The following FER1L6 variants were observed in gnomAD, a reference collection of about 807,000 sequenced individuals.
The protein encoded by FER1L6 is fer-1 like family member 6, also known as fer-1-like protein 6.
A neutral mutation model predicts 219.2 loss-of-function variants in FER1L6; 177 were observed. That is an observed-to-expected ratio of 0.81 (90% confidence interval 0.71 to 0.91). The LOEUF (loss-of-function observed/expected upper bound fraction) is 0.91. Ranked by LOEUF, FER1L6 falls within the 40% of genes least tolerant of loss-of-function variation. The probability of loss-of-function intolerance (pLI) is 0.00; values close to 1 mark genes in which losing one functional copy is unlikely to be tolerated. For missense variants in FER1L6, 2,153 were observed against 2,259.9 expected (o/e 0.95, Z 0.96); for synonymous variants, 768 against 824.3 (o/e 0.93, Z 1.17).
rs371878140 is a variant in FER1L6, at chr8:124,071,601, C to G, written c.4062C>G (p.Val1354=). 6 of 1,614,122 alleles carry G rather than the reference C, an allele frequency of 3.7e-6. No individual in the cohort carries two copies. Among genetic ancestry groups the G allele is most frequent in the Non-Finnish European group, 5.1e-6 (6 of 1,179,988 alleles). The part of the protein sequence containing the change: ...IQQGIPPNHP[V]TVLIRVYIVA... ...AAGGGATTCCGCCCAATCACCCTGT[C>G]ACAGTGCTGATCAGAGTATACATTG... The change falls in exon 31 of 41, where the codon GTC becomes GTG. Residue 1354 remains valine, a synonymous_variant. Coordinates refer to ENST00000522917, the MANE Select transcript of FER1L6 (RefSeq NM_001039112.2).
At chr8:124,077,939 C>T (rs1451044707) in intron 32 of FER1L6, among the ~76,000 whole-genome samples, 1 of 152,170 alleles carries the variant, frequency 6.6e-6, no homozygotes, top group African/African-American at 2.4e-5. Context: ...GCCTCAGTAT[C>T]GGTGTGAGGG....
chr8:123,962,347 G>A (rs1438104565), intron 2 of FER1L6, among the ~76,000 whole-genome samples: 2 of 152,180 alleles, frequency 1.3e-5, no homozygotes, highest in Non-Finnish European at 2.9e-5. Flanking sequence ...CTTGAGGCTG[G>A]TGCTTGTGCA....
intron 12 of FER1L6, among the ~76,000 whole-genome samples, chr8:123,993,201 G>C (rs1240518197): frequency 6.6e-6 from 1 of 152,070 alleles, no homozygotes; most frequent in African/African-American, 2.4e-5. Context: ...CCAGCACTTT[G>C]GGAGGCCGAG....
chr8:123,988,100 C>G (rs904747178), intron 12 of FER1L6, among the ~76,000 whole-genome samples: 1 of 149,738 alleles, frequency 6.7e-6, no homozygotes, highest in Non-Finnish European at 1.5e-5. Flanking sequence ...TCAAAAAAAC[C>G]AGACAGCATG....
intron 1 of FER1L6, among the ~76,000 whole-genome samples, chr8:123,918,233 T>C (rs940359701): frequency 1.3e-5 from 2 of 150,630 alleles, no homozygotes; most frequent in Non-Finnish European, 2.9e-5. Flanking sequence ...TGCTTGAGCA[T>C]GGGAGGTGGA....
chr8:124,051,619 G>C (rs1187726322), intron 22 of FER1L6, among the ~76,000 whole-genome samples: 5 of 152,134 alleles, frequency 3.3e-5, no homozygotes, highest in Non-Finnish European at 7.3e-5. Context: ...ATGTATTTCA[G>C]GTAAAGGAAC....
intron 3 of FER1L6, among the ~76,000 whole-genome samples, chr8:123,965,376 A>G (rs888577282): frequency 6.6e-6 from 1 of 152,234 alleles, no homozygotes; most frequent in Non-Finnish European, 1.5e-5. Context: ...TTCAGCTTCT[A>G]TGACAACAGG....
chr8:123,855,746 A>ATGTGTGTATATATATG (rs1292334194), intron 1 of FER1L6, among the ~76,000 whole-genome samples: 2 of 142,010 alleles, frequency 1.4e-5, no homozygotes, highest in Non-Finnish European at 3.0e-5. Flanking sequence ...ATATGTGTGT[A>ATGTGTGTATATATATG]TGTGTGTATA....
chr8:124,092,201 T>G (rs1822065921), intron 34 of FER1L6, among the ~76,000 whole-genome samples: 1 of 152,202 alleles, frequency 6.6e-6, no homozygotes, highest in East Asian at 1.9e-4. Flanking sequence ...ATAATGATTC[T>G]CCTTTGTTCT....
intron 6 of FER1L6, among the ~76,000 whole-genome samples, chr8:123,972,438 A>G (rs553192286): frequency 6.6e-6 from 1 of 152,314 alleles, no homozygotes; most frequent in African/African-American, 2.4e-5. Context: ...AACTTACAGG[A>G]TTTTATAGTT....
At chr8:124,068,710 C>A (rs1414333594) in intron 28 of FER1L6, among the ~76,000 whole-genome samples, 3 of 152,086 alleles carry the variant, frequency 2.0e-5, no homozygotes, top group African/African-American at 2.4e-5. Context: ...ATTATTTATT[C>A]TCTCTGTGCC....
Position 124,069,372 on chromosome 8 carries a change from A to G in FER1L6, c.3731A>G (p.Asp1244Gly). The G allele has an allele frequency of 6.2e-7, 1 of 1,612,260 alleles. No homozygotes were observed. Among genetic ancestry groups the G allele is most frequent in the Non-Finnish European group, 8.5e-7 (1 of 1,179,222 alleles). ...GKKGNTEAKP[D>G]EVVVDIEDGP... is the part of the protein sequence containing the mutation. Reference sequence around the variant, plus strand: ...TGAATATCCACAGAGGCAAAGCCAGATGAGGTAGTGGTAGATATAGAAGAT... The same window carrying G: ...TGAATATCCACAGAGGCAAAGCCAGGTGAGGTAGTGGTAGATATAGAAGAT... The change falls in exon 29 of 41, where the codon GAT (aspartate) becomes GGT (glycine). Residue 1244 changes from aspartate (D) to glycine (G), a missense_variant. Asp to Gly is a moderately conservative substitution (Grantham distance 94). Transcript: ENST00000522917.
intron 5 of FER1L6, among the ~76,000 whole-genome samples, chr8:123,967,968 A>G (rs552328277): frequency 1.6e-4 from 25 of 152,128 alleles, no homozygotes; most frequent in Non-Finnish European, 3.2e-4. Context: ...GAAAAAAAAA[A>G]AAATCTTATT....
chr8:123,987,839 C>T (rs575313867), intron 12 of FER1L6, among the ~76,000 whole-genome samples: 11 of 152,098 alleles, frequency 7.2e-5, no homozygotes, highest in East Asian at 1.9e-4. Flanking sequence ...TGGCTGGGTG[C>T]GGTGGCTCAC....
At chr8:123,862,853 A>C in intron 1 of FER1L6, among the ~76,000 whole-genome samples, 1 of 139,084 alleles carries the variant, frequency 7.2e-6, no homozygotes. Context: ...TATTGTGTCT[A>C]TTTGATTCTT....
rs1554608010 is a variant in FER1L6, at chr8:123,856,316, G to GTATGTATATATATA, written c.-8+4134_-8+4135insGTATATATATATAT. Among the ~76,000 whole-genome samples the GTATGTATATATATA allele has an allele frequency of 1.9e-3, 85 of 45,084 alleles. 14 individuals carry two copies. Among genetic ancestry groups the GTATGTATATATATA allele is most frequent in the African/African-American group, 7.3e-3 (84 of 11,506 alleles). The allele number at this position is 45,084 out of a possible 152,430, so 29.6% of individuals were successfully genotyped here. A position where few individuals can be genotyped will look rare whatever the true frequency, so the allele number is the denominator to read the frequency against. On this transcript the variant is annotated intron_variant, in intron 1 of 40. Transcript: ENST00000522917. ...TGTATATATATATATATATGTATGT[G>GTATGTATATATATA]TATATATATATATATATATATATAT...
At position 124,021,530 on chromosome 8, in the gene FER1L6, T is replaced by A; in HGVS notation, c.2014-20T>A. 1 of 1,613,292 alleles carries A rather than the reference T, an allele frequency of 6.2e-7. No individual in the cohort carries two copies. The highest frequency in any genetic ancestry group is 8.5e-7 in the Non-Finnish European group (1 of 1,179,304). On this transcript the variant is annotated intron_variant, in intron 16 of 40. Coordinates refer to ENST00000522917, the MANE Select transcript of FER1L6 (RefSeq NM_001039112.2). ...TCCAGATCTCTCGAAAGACCCACAC[T>A]GACTCTTGTCTTGTTTTAGGAAGCA...
At chr8:124,076,370 G>A in intron 32 of FER1L6, 45 bp downstream of exon 32, 1 of 1,588,620 alleles carries the variant, frequency 6.3e-7, no homozygotes, top group Non-Finnish European at 8.6e-7. Context: ...TTCTGCATTT[G>A]CTCCTGCTGT....
At chr8:123,981,901 A>G (rs977257468) in intron 11 of FER1L6, among the ~76,000 whole-genome samples, 2 of 152,204 alleles carry the variant, frequency 1.3e-5, no homozygotes, top group African/African-American at 2.4e-5. Flanking sequence ...ATACATAGGA[A>G]GTAGGCAATG....
Sources: gnomAD v4.1 joint callset for allele counts (sites outside exome capture counted in the v4.1 genomes callset) on GRCh38, gnomAD v4.1.1 for gene constraint, MANE v1.5 for transcripts, NCBI Gene and HGNC (gene_info 2026-07-23, HGNC 2026-07-21) for gene names.